Variants in PTOV1 observed in about 807,000 individuals in gnomAD.
The protein encoded by PTOV1 is PTOV1 extended AT-hook containing adaptor protein.
Under a neutral mutation model 58.0 loss-of-function variants are expected in PTOV1, and 20 were observed. The ratio of observed to expected loss-of-function variants is 0.34; its 90% CI spans 0.24 to 0.50. The LOEUF (loss-of-function observed/expected upper bound fraction) is 0.50. Ranked by LOEUF, PTOV1 falls within the 20% of genes least tolerant of loss-of-function variation. The pLI is 0.98. For missense variants in PTOV1, 593 were observed against 565.4 expected, an observed-to-expected ratio of 1.05 and a Z score of -0.50; for synonymous variants, 335 against 234.2, an observed-to-expected ratio of 1.43 and a Z score of -3.93.
At chr19:49,855,236 C>A in intron 5 of PTOV1, 159 bp downstream of exon 5, 2 of 674,512 alleles carry the variant, frequency 3.0e-6, no homozygotes, top group Admixed American at 2.3e-5. Context: ...TGACTCCAGG[C>A]ACCCTCCGTA....
exon 10 of PTOV1, chr19:49,858,555 C>G: frequency 2.5e-6 from 4 of 1,599,024 alleles, no homozygotes; most frequent in Non-Finnish European, 3.4e-6. Context: ...GCAGACCACC[C>G]TAGTGCCGCT....
At chr19:49,856,732 G>C in intron 5 of PTOV1, 1 of 512,182 alleles carries the variant, frequency 2.0e-6, no homozygotes, top group Non-Finnish European at 3.5e-6. Flanking sequence ...TGCCTTCTTG[G>C]CATTCTCACC....
chr19:49,857,884 C>T lies in PTOV1; in HGVS notation c.805-20C>T, dbSNP rs771684986. 1.1e-5 allele frequency: 17 copies of T among 1,613,116 alleles called. No individual in the cohort carries two copies. In the Admixed American group the frequency reaches 1.2e-4, roughly 11 times the overall value. On this transcript the variant is annotated intron_variant, in intron 7 of 11. Transcript: ENST00000391842. Reference sequence around the variant, plus strand: ...GGGGTCTCCAGCCCTGAGGGCTCCTCTTTGCCTCTCCCCCAAAAGCCCAGG... The same window carrying T: ...GGGGTCTCCAGCCCTGAGGGCTCCTTTTTGCCTCTCCCCCAAAAGCCCAGG...
chr19:49,860,421 C>T (rs906356756), exon 12 of PTOV1: 8 of 1,304,954 alleles, frequency 6.1e-6, no homozygotes, highest in Non-Finnish European at 8.3e-6. Flanking sequence ...GCGACCTTGG[C>T]CTTGGGGAGA....
At chr19:49,858,282 G>C in intron 9 of PTOV1, 168 bp downstream of exon 9, 2 of 915,080 alleles carry the variant, frequency 2.2e-6, no homozygotes, top group Non-Finnish European at 3.2e-6. Flanking sequence ...GCTTCAAGGG[G>C]TCCCAGGCAG....
chr19:49,858,010 C>T, intron 8 of PTOV1, 33 bp downstream of exon 8: 1 of 1,613,150 alleles, frequency 6.2e-7, no homozygotes, highest in Non-Finnish European at 8.5e-7. Context: ...GAGGCAGCAT[C>T]CAGGGGAGCT....
At chr19:49,851,062 C>T (rs2074220537), upstream of PTOV1, 3 of 1,483,492 alleles carry the variant, frequency 2.0e-6, no homozygotes, top group East Asian at 7.9e-5. Flanking sequence ...CCACACTCCG[C>T]TCCCGCCCGG....
At chr19:49,851,136 C>T (rs2074224284), upstream of PTOV1, 2 of 1,323,964 alleles carry the variant, frequency 1.5e-6, no homozygotes, top group Non-Finnish European at 1.9e-6. Flanking sequence ...GCTTGGTACG[C>T]GCCGGGCTCC....
intron 9 of PTOV1, 39 bp downstream of exon 9, chr19:49,858,153 T>C (rs775130692): frequency 5.1e-5 from 82 of 1,605,188 alleles, no homozygotes; most frequent in Non-Finnish European, 6.5e-5. Context: ...CTGCACGCAG[T>C]AGCTCTTCCA....
intron 9 of PTOV1, 46 bp from the exon 10 acceptor site, chr19:49,858,503 C>G: frequency 1.3e-6 from 2 of 1,485,138 alleles, no homozygotes; most frequent in Non-Finnish European, 1.8e-6. Context: ...GCCGGGAGGC[C>G]GTGGTGGGAG....
rs1002392275 is a variant in PTOV1, at chr19:49,851,504, G to GC, written c.171+11dup. The GC allele has an allele frequency of 4.6e-5, 56 of 1,211,592 alleles. No individual in the cohort carries two copies. The highest frequency in any genetic ancestry group is 2.8e-4 in the African/African-American group (18 of 63,526). The allele number at this position is 1,211,592 out of a possible 1,614,324, so 75.1% of individuals were successfully genotyped here. On this transcript the variant is annotated splice_donor_region_variant and intron_variant, in intron 1 of 11. Transcript: ENST00000391842. ...GCCCGCTCGGCCCCTCCCATGGTGA[G>GC]CCCCCCGCCCTTTTTCCAGAGCCTT...
chr19:49,857,552 C>T (rs2074530958), intron 6 of PTOV1, 141 bp from the exon 7 acceptor site: 4 of 773,942 alleles, frequency 5.2e-6, no homozygotes, highest in South Asian at 3.4e-5. Context: ...AGGGGCAGGG[C>T]CTGTTCCCCT....
exon 11 of PTOV1, chr19:49,859,989 G>A (rs576930133): frequency 6.8e-6 from 11 of 1,614,074 alleles, no homozygotes; most frequent in Admixed American, 3.3e-5. Context: ...CTGCCAGGCC[G>A]GCTGCGTGCA....
At chr19:49,857,442 G>A (rs2122236855) in intron 6 of PTOV1, 1 of 607,540 alleles carries the variant, frequency 1.6e-6, no homozygotes, top group East Asian at 2.8e-5. Context: ...TCCTGGTCAT[G>A]CCTTGCCAGT....
At chr19:49,857,834 T>G (rs766565888) in intron 7 of PTOV1, 52 bp downstream of exon 7, 1 of 1,611,986 alleles carries the variant, frequency 6.2e-7, no homozygotes, top group Non-Finnish European at 8.5e-7. Context: ...TCACGGACTG[T>G]GGCTGGGAGG....
exon 1 of PTOV1, chr19:49,851,170 C>A (rs1352645553): frequency 1.1e-4 from 140 of 1,238,584 alleles, no homozygotes; most frequent in Non-Finnish European, 1.4e-4. Flanking sequence ...GTGGTTCGGC[C>A]GCGGCGACCC....
chr19:49,858,245 G>T lies in PTOV1; in HGVS notation c.936+131G>T, dbSNP rs1304803707. On this transcript the variant is annotated intron_variant, in intron 9 of 11. Coordinates refer to ENST00000391842, the Ensembl canonical transcript of PTOV1. ...GAGCGGAGCTGAGGGTGCTGAAGCA[G>T]GTGTGGTGGGTAGCTCCTCAGGCTT... 48 of 1,181,232 alleles carry T rather than the reference G, an allele frequency of 4.1e-5. No individual in the cohort carries two copies. In the Middle Eastern group the frequency reaches 1.1e-3, roughly 27 times the overall value. The allele number at this position is 1,181,232 out of a possible 1,614,324, so 73.2% of individuals were successfully genotyped here. A position where few individuals can be genotyped will look rare whatever the true frequency, so the allele number is the denominator to read the frequency against.
At chr19:49,852,140 G>A in intron 1 of PTOV1, 4 of 937,000 alleles carry the variant, frequency 4.3e-6, no homozygotes, top group Non-Finnish European at 5.1e-6. Context: ...AGGTTTACCT[G>A]GGGCTGTAAA....
At chr19:49,858,060 G>A (rs751074444) in exon 9 of PTOV1, 13 of 1,614,074 alleles carry the variant, frequency 8.1e-6, no homozygotes, top group Admixed American at 3.3e-5. Context: ...CCCACAGGAG[G>A]ACCGAGCAGT....
Sources: allele counts gnomAD v4.1 joint callset, GRCh38; gene constraint gnomAD v4.1.1; transcripts MANE v1.5; gene names NCBI Gene and HGNC (gene_info 2026-07-23, HGNC 2026-07-21).